Variants in GGT5 observed in about 807,000 individuals in gnomAD.
GGT5 encodes the protein gamma-glutamyltransferase 5.
Under a neutral mutation model 58.1 loss-of-function variants are expected in GGT5, and 50 were observed. The ratio of observed to expected loss-of-function variants is 0.86; its 90% CI spans 0.69 to 1.09. The LOEUF is 1.09. Ranked by LOEUF, GGT5 falls within the 50% of genes least tolerant of loss-of-function variation. The pLI, the probability that GGT5 is intolerant of heterozygous loss-of-function variation, is 0.00. For missense variants in GGT5, 800 were observed against 789.4 expected (o/e 1.01, Z -0.16); for synonymous variants, 370 against 346.1 (o/e 1.07, Z -0.77).
At position 24,225,377 on chromosome 22, in the gene GGT5, C is replaced by A. The variant is rs751162471; in HGVS notation, c.1371G>T (p.Arg457Ser). The A allele has an allele frequency of 9.9e-6, 16 of 1,609,722 alleles. No homozygotes were observed. The South Asian group carries it at 1.7e-4, about 17-fold the overall frequency. ...SGDRVGGAPG[R>S]CWPPVPGERS... ...GCTCGCCTGGAACTGGGGGCCAGCA[C>A]CTTCCGGGAGCTCCACCCACCCTGT... Residue 457 changes from arginine (R) to serine (S), a missense_variant, in exon 10 of 12, where the codon AGG becomes AGT. Coordinates refer to ENST00000327365, the MANE Select transcript of GGT5 (RefSeq NM_004121.5).
Position 24,225,423 on chromosome 22 carries a change from A to G in GGT5, c.1337-12T>C. 1 of 1,605,308 alleles carries G rather than the reference A, an allele frequency of 6.2e-7. No individual in the cohort carries two copies. Among genetic ancestry groups the G allele is most frequent in the Non-Finnish European group, 8.5e-7 (1 of 1,174,424 alleles). The stretch of plus-strand genomic sequence containing the variant: ...CCTGTCTCCACTCACTGCTGAGCAA[A>G]CAGCGTCTTGGCAAGTGCAGTGACC... On this transcript the variant is annotated splice_polypyrimidine_tract_variant and intron_variant, in intron 9 of 11. Coordinates refer to ENST00000327365, the MANE Select transcript of GGT5 (RefSeq NM_004121.5).
chr22:24,224,108 C>T (rs1212707966), intron 11 of GGT5, among the ~76,000 whole-genome samples: 1 of 151,954 alleles, frequency 6.6e-6, no homozygotes, highest in Non-Finnish European at 1.5e-5. Context: ...ATCCATCAAC[C>T]CAAAGATGCT....
intron 1 of GGT5, among the ~76,000 whole-genome samples, chr22:24,238,787 TTATATA>T (rs1225690533): frequency 7.2e-5 from 1 of 13,980 alleles, no homozygotes; most frequent in Non-Finnish European, 1.1e-4. Context: ...ATAATATATA[TTATATA>T]TTTATATATA....
intron 2 of GGT5, 54 bp from the exon 3 acceptor site, chr22:24,233,647 C>T (rs1445819441): frequency 2.8e-6 from 3 of 1,070,658 alleles, no homozygotes; most frequent in African/African-American, 1.6e-5. Context: ...CAGCCCCTGG[C>T]CTGCTCTAGG....
intron 11 of GGT5, among the ~76,000 whole-genome samples, chr22:24,222,720 C>T (rs1338151068): frequency 2.0e-5 from 3 of 152,200 alleles, no homozygotes; most frequent in Non-Finnish European, 4.4e-5. Flanking sequence ...CTCAGCATTT[C>T]ACGTCCCCAG....
In GGT5 at chr22:24,232,977, C is replaced by T; in HGVS notation, c.442G>A (p.Ala148Thr). ...CGGCCATGGCGGCGGTGGGCCTCGG[C>T]ATAGCCACGGAGCTCCCCGGGCACC... The part of the protein sequence containing the change: ...IGVPGELRGY[A>T]EAHRRHGRLP... The change falls in exon 4 of 12, where the codon GCC becomes ACC. Residue 148 changes from alanine to threonine, a missense_variant. Ala to Thr is a moderately conservative substitution (Grantham distance 58). Transcript: ENST00000327365. 2 of 1,561,520 alleles carry T rather than the reference C, an allele frequency of 1.3e-6. No individual in the cohort carries two copies. Among genetic ancestry groups the T allele is most frequent in the African/African-American group, 1.4e-5 (1 of 73,742 alleles).
In GGT5 at chr22:24,232,909, G is replaced by C; in HGVS notation, c.510C>G (p.Leu170=). 1 of 1,581,852 alleles carries C rather than the reference G, an allele frequency of 6.3e-7. No homozygotes were observed. Among genetic ancestry groups the C allele is most frequent in the Non-Finnish European group, 8.6e-7 (1 of 1,163,774 alleles). The change falls in exon 4 of 12, where the codon CTC becomes CTG. Residue 170 remains leucine (L), a synonymous_variant. Transcript: ENST00000327365. ...CAGGGGCCACCACATGCCCCCCTCG[G>C]AGCAGCGCGATGGTGGGCTGGAACA... ...AQLFQPTIAL[L]RGGHVVAPVL...
chr22:24,230,078 TA>T (rs1354100711), intron 6 of GGT5, among the ~76,000 whole-genome samples: 1 of 150,672 alleles, frequency 6.6e-6, no homozygotes, highest in African/African-American at 2.4e-5. Context: ...ACTAAAAAGA[TA>T]AAAATCATCT....
chr22:24,235,413 A>C (rs565223339), intron 1 of GGT5, among the ~76,000 whole-genome samples: 10 of 152,232 alleles, frequency 6.6e-5, no homozygotes, highest in Admixed American at 1.3e-4. Context: ...CCAAAGAGGG[A>C]ATGGACCTGG....
intron 1 of GGT5, chr22:24,244,013 C>T (rs902675030): frequency 6.5e-6 from 1 of 153,916 alleles, no homozygotes; most frequent in African/African-American, 2.4e-5. Flanking sequence ...GGGAGAAGAC[C>T]GCAGCCTTGG....
chr22:24,238,965 A>G (rs1465845535), intron 1 of GGT5, among the ~76,000 whole-genome samples: 2 of 77,932 alleles, frequency 2.6e-5, no homozygotes, highest in Non-Finnish European at 4.8e-5. Context: ...TATAATATAT[A>G]TATAGCCCAT....
At chr22:24,230,789 T>C (rs1411744780) in intron 6 of GGT5, among the ~76,000 whole-genome samples, 2 of 152,296 alleles carry the variant, frequency 1.3e-5, no homozygotes, top group African/African-American at 2.4e-5. Context: ...GTTCTGTTTT[T>C]TATTTAGGTC....
At chr22:24,220,815 T>TGAGCTCA in intron 11 of GGT5, 1 of 380,166 alleles carries the variant, frequency 2.6e-6, no homozygotes, top group Non-Finnish European at 5.1e-6. Context: ...GAGGATCTTT[T>TGAGCTCA]GAGCTCAGGA....
intron 1 of GGT5, among the ~76,000 whole-genome samples, chr22:24,238,720 T>G (rs1298636581): frequency 9.3e-5 from 8 of 86,354 alleles, no homozygotes; most frequent in Non-Finnish European, 1.8e-4. Context: ...AAAAAAAAAG[T>G]GAAAGTGGAA....
At chr22:24,236,956 C>T (rs1481084461) in intron 1 of GGT5, among the ~76,000 whole-genome samples, 4 of 151,398 alleles carry the variant, frequency 2.6e-5, no homozygotes, top group Non-Finnish European at 4.4e-5. Flanking sequence ...GACGGCCAAT[C>T]CTGAAGAGGA....
chr22:24,232,217 TGGG>T lies in GGT5; in HGVS notation c.597-12_597-10del. On this transcript the variant is annotated splice_polypyrimidine_tract_variant and intron_variant, in intron 4 of 11. Coordinates refer to ENST00000327365, the MANE Select transcript of GGT5 (RefSeq NM_004121.5). ...CGTTGAAGAAGAGCTGGCTGGGGGG[TGGG>T]GGGAGCCTCAGGGTGGGGCCAGGTC... is the stretch of plus-strand genomic sequence containing the variant. The T allele has an allele frequency of 2.4e-6, 1 of 425,156 alleles. No individual in the cohort carries two copies. Among genetic ancestry groups the T allele is most frequent in the Non-Finnish European group, 3.8e-6 (1 of 265,196 alleles). The allele number at this position is 425,156 out of a possible 1,614,324, so 26.3% of individuals were successfully genotyped here. A position where few individuals can be genotyped will look rare whatever the true frequency, so the allele number is the denominator to read the frequency against.
At chr22:24,238,825 ATATATATT>A (rs1369400918) in intron 1 of GGT5, among the ~76,000 whole-genome samples, 15 of 14,732 alleles carry the variant, frequency 1.0e-3, no homozygotes, top group Admixed American at 4.1e-3. Flanking sequence ...ATATATATAT[ATATATATT>A]TATATATATA....
intron 4 of GGT5, among the ~76,000 whole-genome samples, chr22:24,232,416 G>A (rs992690970): frequency 2.6e-5 from 4 of 152,148 alleles, no homozygotes; most frequent in Admixed American, 2.6e-4. Flanking sequence ...CCTGGTCCAG[G>A]GAAGGCAAAT....
chr22:24,234,614 G>C (rs1237401647), intron 1 of GGT5, among the ~76,000 whole-genome samples: 2 of 152,200 alleles, frequency 1.3e-5, no homozygotes. Context: ...GAGGTCAGGA[G>C]TTCAAGACCA....
Sources: gnomAD v4.1 joint callset for allele counts (sites outside exome capture counted in the v4.1 genomes callset) on GRCh38, gnomAD v4.1.1 for gene constraint, MANE v1.5 for transcripts, NCBI Gene and HGNC (gene_info 2026-07-23, HGNC 2026-07-21) for gene names.